CLDN16: variants seen among roughly 807,000 people sequenced by gnomAD.
The protein encoded by CLDN16 is claudin-16.
In CLDN16, 13 loss-of-function variants were observed where a neutral mutation model predicts 24.6. That is an observed-to-expected ratio of 0.53 (90% CI 0.34 to 0.84). The LOEUF (loss-of-function observed/expected upper bound fraction) is 0.84. CLDN16 is among the 40% of genes least tolerant of loss of function. CLDN16 has a pLI of 0.01. For missense variants in CLDN16, 298 were observed against 292.7 expected, an observed-to-expected ratio of 1.02 and a Z score of -0.13; for synonymous variants, 116 against 106.7, an observed-to-expected ratio of 1.09 and a Z score of -0.54.
intron 1 of CLDN16, among the ~76,000 whole-genome samples, chr3:190,356,447 C>T (rs896131827): frequency 6.6e-6 from 1 of 151,750 alleles, no homozygotes. Context: ...GACTAATGTG[C>T]ATGTTGATGG....
the CLDN16 span, among the ~76,000 whole-genome samples, chr3:190,302,779 A>AAAAATAT: frequency 7.1e-6 from 1 of 140,180 alleles, no homozygotes; most frequent in East Asian, 2.0e-4. Flanking sequence ...CTCAAAAAAA[A>AAAAATAT]ATATATATAT....
At chr3:190,301,501 AAG>A in the CLDN16 span, among the ~76,000 whole-genome samples, 23,041 of 128,132 alleles carry the variant, frequency 0.18, 2,027 homozygotes, top group African/African-American at 0.28. Context: ...CTCAAAAAAA[AAG>A]AAGAAGAAGA....
intron 1 of CLDN16, among the ~76,000 whole-genome samples, chr3:190,354,113 T>C (rs1357672651): frequency 6.6e-6 from 1 of 152,052 alleles, no homozygotes; most frequent in African/African-American, 2.4e-5. Flanking sequence ...CTTCTATGTC[T>C]GTATTGAATC....
chr3:190,366,779 T>A (rs772594155), intron 1 of CLDN16, among the ~76,000 whole-genome samples: 33 of 151,926 alleles, frequency 2.2e-4, no homozygotes, highest in Non-Finnish European at 3.5e-4. Flanking sequence ...AGAAGCTCCC[T>A]ATAACAGAGC....
intron 1 of CLDN16, among the ~76,000 whole-genome samples, chr3:190,366,609 C>T (rs1035770761): frequency 6.6e-6 from 1 of 151,906 alleles, no homozygotes; most frequent in Non-Finnish European, 1.5e-5. Flanking sequence ...AAAAGTTAAA[C>T]TTTGATACAC....
chr3:190,361,752 A>T (rs1479079276), intron 1 of CLDN16, among the ~76,000 whole-genome samples: 1 of 151,914 alleles, frequency 6.6e-6, no homozygotes, highest in Non-Finnish European at 1.5e-5. Context: ...AGCCTGAAAA[A>T]TTGAGCTGCA....
chr3:190,324,361 T>C lies in CLDN16; in HGVS notation n.121+1700T>C, dbSNP rs372160497. 1.4e-4 allele frequency among the ~76,000 whole-genome samples: 22 copies of C among 152,194 alleles called. 1 individual carries two copies. In the East Asian group the frequency reaches 3.9e-3, roughly 27 times the overall value. The stretch of plus-strand genomic sequence containing the variant: ...AGCCGGGCATGGTGGTGGGCGCCTG[T>C]AATTCCAGCTACTTGGGAGGCTGAG... On this transcript the variant is annotated intron_variant and non_coding_transcript_variant, in intron 1 of 4. Transcript: ENST00000468220.
chr3:190,409,776 T>C, intron 4 of CLDN16, 127 bp from the exon 5 acceptor site: 1 of 877,466 alleles, frequency 1.1e-6, no homozygotes, highest in South Asian at 1.5e-5. Context: ...CTTCTTAGAG[T>C]TCCAAAATGA....
intron 1 of CLDN16, among the ~76,000 whole-genome samples, chr3:190,391,684 G>A (rs1019725633): frequency 4.6e-5 from 7 of 152,250 alleles, no homozygotes; most frequent in African/African-American, 1.4e-4. Context: ...ACTAAAGTGG[G>A]CAACACAAAG....
intron 1 of CLDN16, among the ~76,000 whole-genome samples, chr3:190,356,625 TG>T (rs1434958739): frequency 6.6e-6 from 1 of 152,016 alleles, no homozygotes; most frequent in Admixed American, 6.6e-5. Flanking sequence ...GTAATAAAGC[TG>T]GCATTTAAAA....
intron 1 of CLDN16, among the ~76,000 whole-genome samples, chr3:190,363,516 T>C (rs1365600991): frequency 7.0e-6 from 1 of 143,432 alleles, no homozygotes; most frequent in Non-Finnish European, 1.5e-5. Flanking sequence ...GTATAATAAT[T>C]TTTTATTAAA....
chr3:190,394,053 A>G (rs149606562), intron 1 of CLDN16, among the ~76,000 whole-genome samples: 1 of 152,110 alleles, frequency 6.6e-6, no homozygotes, highest in East Asian at 1.9e-4. Context: ...ATGGCTGGCC[A>G]CCCATTTTTA....
At chr3:190,377,245 C>G (rs1432713894) in intron 3 of CLDN16, among the ~76,000 whole-genome samples, 2 of 151,924 alleles carry the variant, frequency 1.3e-5, no homozygotes, top group Non-Finnish European at 1.5e-5. Flanking sequence ...GTTTTTTCTG[C>G]TATTGATGAG....
intron 1 of CLDN16, among the ~76,000 whole-genome samples, chr3:190,342,179 C>A (rs1239186846): frequency 1.3e-5 from 2 of 152,184 alleles, no homozygotes. Flanking sequence ...TTTTCAGGAG[C>A]ACCCCACTCT....
chr3:190,322,500 C>T (rs376629183), upstream of CLDN16: 1 of 414,030 alleles, frequency 2.4e-6, no homozygotes, highest in Non-Finnish European at 4.4e-6. Context: ...TCAGCCCCGG[C>T]AGCCGGGGAG....
At chr3:190,405,693 T>A (rs138475208) in intron 3 of CLDN16, among the ~76,000 whole-genome samples, 93 of 152,266 alleles carry the variant, frequency 6.1e-4, no homozygotes, top group Non-Finnish European at 1.0e-3. Flanking sequence ...CATTTGTTCA[T>A]AAATGTAACA....
At position 190,363,335 on chromosome 3, in the gene CLDN16, T is replaced by G. The variant is rs1010133449; in HGVS notation, n.122-7558T>G. Among the ~76,000 whole-genome samples the G allele has an allele frequency of 2.0e-5, 3 of 151,642 alleles. No homozygotes were observed. In the East Asian group the frequency reaches 5.9e-4, roughly 30 times the overall value. ...ATTTATCTCTTTAAACTGGTCCATT[T>G]TTTTCATTCATTCAATCTGTCTTTA... On this transcript the variant is annotated intron_variant and non_coding_transcript_variant, in intron 1 of 4. Coordinates refer to the CLDN16 transcript ENST00000468220.
At chr3:190,290,893 T>A in the CLDN16 span, among the ~76,000 whole-genome samples, 1 of 152,182 alleles carries the variant, frequency 6.6e-6, no homozygotes, top group Non-Finnish European at 1.5e-5. Context: ...ATTCTACATA[T>A]CTGTGGGAAT....
chr3:190,377,856 C>G (rs2216984), intron 3 of CLDN16, among the ~76,000 whole-genome samples: 113,361 of 151,890 alleles, frequency 0.75, 42,359 homozygotes, highest in East Asian at 0.83. Context: ...TGGGAAAATA[C>G]TTGCCTGCAA....
Sources: gnomAD v4.1 joint callset for allele counts (sites outside exome capture counted in the v4.1 genomes callset) on GRCh38, gnomAD v4.1.1 for gene constraint, MANE v1.5 for transcripts, NCBI Gene and HGNC (gene_info 2026-07-23, HGNC 2026-07-21) for gene names.